The following PALD1 variants were observed in gnomAD, a reference collection of about 807,000 sequenced individuals.
PALD1 encodes phosphatase domain containing paladin 1.
In PALD1, 57 loss-of-function variants were observed where a neutral mutation model predicts 96.0. That is an observed-to-expected ratio of 0.59 (90% CI 0.48 to 0.74). The LOEUF is 0.74. Ranked by LOEUF, PALD1 falls within the 30% of genes least tolerant of loss-of-function variation. The probability of loss-of-function intolerance (pLI) is 0.00; values close to 1 mark genes in which losing one functional copy is unlikely to be tolerated. For missense variants in PALD1, 1,063 were observed against 1,143.7 expected, an observed-to-expected ratio of 0.93 and a Z score of 1.02; for synonymous variants, 464 against 473.6, an observed-to-expected ratio of 0.98 and a Z score of 0.26.
intron 1 of PALD1, among the ~76,000 whole-genome samples, chr10:70,494,112 A>G (rs1036811460): frequency 6.6e-6 from 1 of 152,102 alleles, no homozygotes; most frequent in African/African-American, 2.4e-5. Context: ...CCCACAGGAC[A>G]TTTGCATAGA....
chr10:70,531,336 G>A lies in PALD1; in HGVS notation c.515G>A (p.Arg172His), dbSNP rs140490112. 116 of 1,613,920 alleles carry A rather than the reference G, an allele frequency of 7.2e-5. 1 individual carries two copies. In the South Asian group the frequency reaches 1.1e-3, roughly 15 times the overall value. Residue 172 changes from arginine (R) to histidine (H), a missense_variant, in exon 5 of 20, where the codon CGT becomes CAT. Transcript: ENST00000263563. Reference protein sequence around the residue: ...CVREEPVLFLRADEDFVSYTP... With the variant: ...CVREEPVLFLHADEDFVSYTP... ...CGGGAGGAACCTGTGCTTTTCCTGC[G>A]TGCAGATGAGGACTTTGTGTCCTAC... is the stretch of plus-strand genomic sequence containing the variant.
At chr10:70,465,544 A>G in the PALD1 span, among the ~76,000 whole-genome samples, 1 of 152,090 alleles carries the variant, frequency 6.6e-6, no homozygotes, top group African/African-American at 2.4e-5. Flanking sequence ...TCATCGTCAA[A>G]ATAACCCTGC....
chr10:70,533,247 T>C (rs1415288399), intron 7 of PALD1, among the ~76,000 whole-genome samples, 177 bp downstream of exon 7: 3 of 152,086 alleles, frequency 2.0e-5, no homozygotes, highest in Non-Finnish European at 4.4e-5. Flanking sequence ...TCTGTGTGTG[T>C]CAGCGCCTTT....
At chr10:70,528,457 G>T (rs1377919544) in intron 2 of PALD1, among the ~76,000 whole-genome samples, 2 of 152,194 alleles carry the variant, frequency 1.3e-5, no homozygotes, top group South Asian at 2.1e-4. Context: ...GACAGTCTTG[G>T]GGGTAGGAAT....
the PALD1 span, among the ~76,000 whole-genome samples, chr10:70,459,787 G>A: frequency 6.6e-6 from 1 of 152,272 alleles, no homozygotes; most frequent in Admixed American, 6.5e-5. Flanking sequence ...TCGGAGCCCT[G>A]CCTGTCCTCC....
At chr10:70,558,154 T>C (rs994736034) in intron 18 of PALD1, among the ~76,000 whole-genome samples, 2 of 151,882 alleles carry the variant, frequency 1.3e-5, no homozygotes, top group African/African-American at 2.4e-5. Flanking sequence ...CTCTGTTGCC[T>C]GGGTTGCTGG....
intron 1 of PALD1, among the ~76,000 whole-genome samples, chr10:70,490,128 G>C (rs1054658294): frequency 1.3e-5 from 2 of 151,980 alleles, no homozygotes; most frequent in African/African-American, 4.8e-5. Context: ...TCACCGTGTT[G>C]GCCAGGCTGG....
At chr10:70,553,689 A>G (rs185337181) in intron 18 of PALD1, among the ~76,000 whole-genome samples, 2,240 of 152,274 alleles carry the variant, frequency 0.015, 29 homozygotes, top group Non-Finnish European at 0.023. Context: ...CAGATTTAGG[A>G]GGGGGACAAG....
intron 1 of PALD1, among the ~76,000 whole-genome samples, chr10:70,507,577 T>C (rs1846415850): frequency 6.6e-6 from 1 of 152,146 alleles, no homozygotes. Context: ...GTGCACCACC[T>C]TGCCTGGCTA....
At chr10:70,505,334 G>A (rs1451537710) in intron 1 of PALD1, among the ~76,000 whole-genome samples, 2 of 152,216 alleles carry the variant, frequency 1.3e-5, no homozygotes, top group East Asian at 1.9e-4. Flanking sequence ...GGTGGCTCAC[G>A]CCTATAATCC....
intron 19 of PALD1, among the ~76,000 whole-genome samples, chr10:70,565,462 C>G (rs1359725342): frequency 6.6e-6 from 1 of 152,202 alleles, no homozygotes; most frequent in Non-Finnish European, 1.5e-5. Context: ...CCTGGCAGTT[C>G]TAATCTGGAC....
intron 1 of PALD1, among the ~76,000 whole-genome samples, chr10:70,511,340 C>T (rs183546759): frequency 4.4e-4 from 67 of 152,284 alleles, no homozygotes; most frequent in African/African-American, 1.4e-3. Flanking sequence ...TGATGTCCAC[C>T]GCACTGTTCC....
At chr10:70,496,907 C>G (rs113142070) in intron 1 of PALD1, among the ~76,000 whole-genome samples, 1 of 152,186 alleles carries the variant, frequency 6.6e-6, no homozygotes, top group Non-Finnish European at 1.5e-5. Context: ...AACCCTCTTC[C>G]TCCCTTCACC....
intron 18 of PALD1, among the ~76,000 whole-genome samples, chr10:70,560,559 C>CA: frequency 6.6e-6 from 1 of 151,986 alleles, no homozygotes; most frequent in Non-Finnish European, 1.5e-5. Flanking sequence ...GGATGTGACG[C>CA]GCTCGGCCCG....
intron 1 of PALD1, among the ~76,000 whole-genome samples, chr10:70,511,463 G>A (rs1846515824): frequency 1.3e-5 from 2 of 152,318 alleles, no homozygotes; most frequent in Admixed American, 6.5e-5. Flanking sequence ...TGTAAGGAAG[G>A]ATTCCAGAAC....
intron 18 of PALD1, among the ~76,000 whole-genome samples, chr10:70,549,325 T>C (rs1464051887): frequency 6.6e-6 from 1 of 152,124 alleles, no homozygotes; most frequent in African/African-American, 2.4e-5. Flanking sequence ...GGAGGCCCAA[T>C]AGTTGAAAAA....
intron 17 of PALD1, among the ~76,000 whole-genome samples, chr10:70,546,981 G>A (rs927902350): frequency 4.0e-5 from 6 of 151,842 alleles, no homozygotes; most frequent in Non-Finnish European, 8.8e-5. Context: ...AACAATAAAT[G>A]TCAATGGAAT....
chr10:70,555,527 C>T (rs1847588307), intron 18 of PALD1, among the ~76,000 whole-genome samples: 1 of 152,362 alleles, frequency 6.6e-6, no homozygotes, highest in Admixed American at 6.5e-5. Context: ...GGCAGGGAAG[C>T]TGCCAGCCGC....
chr10:70,538,411 G>A lies in PALD1; in HGVS notation c.1452+3G>A, dbSNP rs765966585. On this transcript the variant is annotated splice_donor_region_variant and intron_variant, in intron 12 of 19. Coordinates refer to ENST00000263563, the MANE Select transcript of PALD1 (RefSeq NM_014431.3). ...ACCTCATCGCCAGGGGCTCCCTAGT[G>A]AGTATGACTGGCAGTCGGAGAAGTG... is the stretch of plus-strand genomic sequence containing the variant. 5.6e-6 allele frequency: 9 copies of A among 1,611,288 alleles called. No homozygotes were observed. Among genetic ancestry groups the A allele is most frequent in the Middle Eastern group, 1.6e-4 (1 of 6,062 alleles).
Sources: gnomAD v4.1 joint callset for allele counts (sites outside exome capture counted in the v4.1 genomes callset) on GRCh38, gnomAD v4.1.1 for gene constraint, MANE v1.5 for transcripts, NCBI Gene and HGNC (gene_info 2026-07-23, HGNC 2026-07-21) for gene names.